Variants in MYZAP observed in about 807,000 individuals in gnomAD.
MYZAP encodes the protein GRINL1A complex locus upstream.
In MYZAP, 66 loss-of-function variants were observed where a neutral mutation model predicts 69.4. The observed-to-expected ratio is 0.95, with a 90% CI of 0.78 to 1.17. MYZAP has a LOEUF of 1.17. Ranked by LOEUF, MYZAP falls within the 50% of genes most tolerant of loss-of-function variation. The pLI, the probability that MYZAP is intolerant of heterozygous loss-of-function variation, is 0.00. For synonymous variants in MYZAP, 256 were observed against 205.9 expected, an observed-to-expected ratio of 1.24 and a Z score of -2.09; for missense variants, 611 against 556.2, an observed-to-expected ratio of 1.10 and a Z score of -0.99.
chr15:57,616,509 G>A (rs1046339449), intron 2 of MYZAP, among the ~76,000 whole-genome samples: 2 of 152,122 alleles, frequency 1.3e-5, no homozygotes, highest in Non-Finnish European at 2.9e-5. Flanking sequence ...GTGGTGGCGC[G>A]CTTCTAGTCC....
At chr15:57,602,791 G>A (rs1480982149) in intron 1 of MYZAP, among the ~76,000 whole-genome samples, 2 of 152,176 alleles carry the variant, frequency 1.3e-5, no homozygotes, top group Non-Finnish European at 2.9e-5. Context: ...TCTGAAAAAT[G>A]GGGCAGGTAA....
intron 8 of MYZAP, among the ~76,000 whole-genome samples, chr15:57,634,262 A>G (rs2036680528): frequency 6.6e-6 from 1 of 152,126 alleles, no homozygotes; most frequent in South Asian, 2.1e-4. Flanking sequence ...GGAAGAGGCC[A>G]GGAATTAAGT....
In MYZAP at chr15:57,633,582, C is replaced by T. The variant is rs780463115; in HGVS notation, c.805-31C>T. On this transcript the variant is annotated intron_variant, in intron 7 of 12. Transcript: ENST00000267853. The stretch of plus-strand genomic sequence containing the variant: ...GGTGAGTAGCCTCGGTACTCCATGC[C>T]TGTACTTAGGAGGGTATATTTCTTT... 17 of 1,598,976 alleles carry T rather than the reference C, an allele frequency of 1.1e-5. No homozygotes were observed. The Admixed American group carries it at 2.6e-4, about 24-fold the overall frequency.
intron 10 of MYZAP, among the ~76,000 whole-genome samples, chr15:57,650,577 A>G (rs1401394426): frequency 6.6e-6 from 1 of 152,198 alleles, no homozygotes; most frequent in Non-Finnish European, 1.5e-5. Flanking sequence ...TGAGCAAATT[A>G]TCCAAGATTC....
chr15:57,666,959 T>A (rs181018942), intron 11 of MYZAP, among the ~76,000 whole-genome samples: 1 of 152,316 alleles, frequency 6.6e-6, no homozygotes, highest in East Asian at 1.9e-4. Flanking sequence ...TAGAAAATGT[T>A]CTTAAAATAA....
intron 10 of MYZAP, among the ~76,000 whole-genome samples, chr15:57,644,877 C>T (rs1371836382): frequency 2.0e-5 from 3 of 152,170 alleles, no homozygotes; most frequent in East Asian, 3.9e-4. Context: ...GGAAGAGGTA[C>T]GCTTGTTAAA....
intron 5 of MYZAP, 100 bp downstream of exon 5, chr15:57,625,992 T>C (rs952624214): frequency 1.9e-6 from 2 of 1,034,306 alleles, no homozygotes; most frequent in African/African-American, 1.6e-5. Context: ...CCTTAGCTCA[T>C]GATTCAGAAT....
intron 2 of MYZAP, among the ~76,000 whole-genome samples, chr15:57,613,632 A>T (rs765358423): frequency 2.0e-5 from 3 of 151,724 alleles, no homozygotes; most frequent in Non-Finnish European, 2.9e-5. Context: ...TGGCCTCCCA[A>T]AGTGCTGGGA....
At chr15:57,629,531 C>T (rs1313187402) in intron 5 of MYZAP, among the ~76,000 whole-genome samples, 171 bp from the exon 6 acceptor site, 1 of 152,152 alleles carries the variant, frequency 6.6e-6, no homozygotes, top group Non-Finnish European at 1.5e-5. Context: ...ACCTCTTGGC[C>T]ACCATGGGAG....
At chr15:57,593,139 GGT>G (rs76808466) in intron 1 of MYZAP, among the ~76,000 whole-genome samples, 43,355 of 132,850 alleles carry the variant, frequency 0.33, 6,478 homozygotes, top group East Asian at 0.43. Flanking sequence ...TGGATTCTGG[GGT>G]GTGTGTGTGC....
chr15:57,648,011 A>C (rs2037532361), intron 10 of MYZAP: 1 of 985,364 alleles, frequency 1.0e-6, no homozygotes, highest in Non-Finnish European at 1.2e-6. Flanking sequence ...GTGGCCACTC[A>C]AGCCCCACCC....
chr15:57,679,057 T>C (rs1361241221), intron 12 of MYZAP, among the ~76,000 whole-genome samples: 1 of 152,024 alleles, frequency 6.6e-6, no homozygotes, highest in Non-Finnish European at 1.5e-5. Context: ...ATGCCTGTAA[T>C]CCCAGCTACT....
chr15:57,640,984 A>G (rs571705151), intron 10 of MYZAP, among the ~76,000 whole-genome samples: 1 of 152,348 alleles, frequency 6.6e-6, no homozygotes, highest in East Asian at 1.9e-4. Context: ...CACAGTTAGC[A>G]TCTCAGTGAG....
intron 10 of MYZAP, among the ~76,000 whole-genome samples, chr15:57,643,447 G>T (rs1381416842): frequency 6.6e-6 from 1 of 152,224 alleles, no homozygotes; most frequent in Non-Finnish European, 1.5e-5. Flanking sequence ...GGCACTGGGA[G>T]AGCTGGGAGG....
intron 7 of MYZAP, among the ~76,000 whole-genome samples, chr15:57,633,325 T>G (rs1321942404): frequency 6.6e-6 from 1 of 152,214 alleles, no homozygotes; most frequent in Non-Finnish European, 1.5e-5. Context: ...ATCTACTCAA[T>G]GTTATTAAAC....
At chr15:57,620,332 T>C (rs1277455967) in intron 3 of MYZAP, among the ~76,000 whole-genome samples, 1 of 152,194 alleles carries the variant, frequency 6.6e-6, no homozygotes, top group Non-Finnish European at 1.5e-5. Context: ...TCCAATACTA[T>C]GTCCTAAACA....
At chr15:57,661,597 TACC>T in intron 11 of MYZAP, 64 bp downstream of exon 11, 1 of 1,354,114 alleles carries the variant, frequency 7.4e-7, no homozygotes, top group African/African-American at 1.5e-5. Flanking sequence ...TTGCTAAGCC[TACC>T]ACCGACACTT....
chr15:57,652,342 G>T lies in MYZAP; in HGVS notation c.1120-9108G>T, dbSNP rs2037769830. On this transcript the variant is annotated intron_variant, in intron 10 of 12. Coordinates refer to ENST00000267853, the MANE Select transcript of MYZAP (RefSeq NM_001018100.5). ...TTTCATGCTGCATTAGTGCAGGGCA[G>T]ATTCTGATCTTGTCATATTTCTCTA... Among the ~76,000 whole-genome samples the T allele has an allele frequency of 2.6e-5, 4 of 152,222 alleles. No homozygotes were observed. The South Asian group carries it at 8.3e-4, about 32-fold the overall frequency.
At chr15:57,668,285 C>G (rs1453323955) in intron 11 of MYZAP, among the ~76,000 whole-genome samples, 10 of 152,102 alleles carry the variant, frequency 6.6e-5, no homozygotes, top group Non-Finnish European at 5.9e-5. Context: ...GTTTTAGTTC[C>G]TCTTGGGTAA....
Sources: allele counts gnomAD v4.1 joint callset (sites outside exome capture counted in the v4.1 genomes callset), GRCh38; gene constraint gnomAD v4.1.1; transcripts MANE v1.5; gene names NCBI Gene and HGNC (gene_info 2026-07-23, HGNC 2026-07-21).